GATAD2A: variants seen among roughly 807,000 people sequenced by gnomAD.
GATAD2A encodes the protein transcriptional repressor p66-alpha.
Under a neutral mutation model 68.5 loss-of-function variants are expected in GATAD2A, and 12 were observed. That is an observed-to-expected ratio of 0.18 (90% confidence interval 0.11 to 0.28). The LOEUF (loss-of-function observed/expected upper bound fraction) is 0.28, where lower values mean the gene tolerates loss of function less well. GATAD2A is among the 10% of genes least tolerant of loss of function. GATAD2A has a pLI of 1.00. For synonymous variants in GATAD2A, 410 were observed against 375.3 expected (o/e 1.09, Z -1.07); for missense variants, 755 against 868.5 (o/e 0.87, Z 1.64).
At chr19:19,450,568 C>T (rs1380548424) in intron 1 of GATAD2A, among the ~76,000 whole-genome samples, 1 of 151,890 alleles carries the variant, frequency 6.6e-6, no homozygotes, top group Non-Finnish European at 1.5e-5. Flanking sequence ...TTCTCCTCCT[C>T]TTCAGGACCT....
intron 1 of GATAD2A, among the ~76,000 whole-genome samples, chr19:19,395,728 A>G (rs964851205): frequency 6.6e-6 from 1 of 152,174 alleles, no homozygotes; most frequent in African/African-American, 2.4e-5. Flanking sequence ...TCCTTCAGGA[A>G]GAGTGTGTTC....
intron 1 of GATAD2A, among the ~76,000 whole-genome samples, chr19:19,454,974 C>T (rs1465318512): frequency 1.3e-5 from 2 of 152,164 alleles, no homozygotes; most frequent in Admixed American, 6.5e-5. Context: ...GAGTTTAATT[C>T]GCAGACACGC....
intron 11 of GATAD2A, among the ~76,000 whole-genome samples, chr19:19,504,452 C>G (rs1402780234): frequency 6.6e-6 from 1 of 151,928 alleles, no homozygotes; most frequent in Non-Finnish European, 1.5e-5. Flanking sequence ...GTGTGTCTTG[C>G]GTTGGCTACT....
chr19:19,394,328 T>G (rs1319870976), intron 1 of GATAD2A, among the ~76,000 whole-genome samples: 1 of 152,134 alleles, frequency 6.6e-6, no homozygotes, highest in African/African-American at 2.4e-5. Flanking sequence ...TCAGACAAGC[T>G]GGGGCTGCCT....
intron 2 of GATAD2A, among the ~76,000 whole-genome samples, chr19:19,479,166 C>T (rs936722304): frequency 2.0e-5 from 3 of 152,200 alleles, no homozygotes; most frequent in Admixed American, 2.0e-4. Context: ...CCCTTAGACT[C>T]TGAAACCTCA....
chr19:19,406,448 C>A (rs2050269701), intron 1 of GATAD2A, among the ~76,000 whole-genome samples: 1 of 151,132 alleles, frequency 6.6e-6, no homozygotes. Context: ...CAACGCTGAA[C>A]CCCGCGGCGG....
intron 2 of GATAD2A, among the ~76,000 whole-genome samples, chr19:19,482,560 G>A (rs2148266252): frequency 6.6e-6 from 1 of 152,270 alleles, no homozygotes; most frequent in African/African-American, 2.4e-5. Context: ...CAGGTTGTCT[G>A]CAGGTCCTGG....
At chr19:19,492,244 AGGGGTGGGCACT>A in intron 2 of GATAD2A, 50 bp from the exon 3 acceptor site, 1 of 1,524,720 alleles carries the variant, frequency 6.6e-7, no homozygotes, top group Non-Finnish European at 8.9e-7. Flanking sequence ...ATGTGTCCAC[AGGGGTGGGCACT>A]GGGTCCAGCT....
chr19:19,449,637 ACT>A (rs2056155210), intron 1 of GATAD2A, among the ~76,000 whole-genome samples: 2 of 149,876 alleles, frequency 1.3e-5, no homozygotes, highest in African/African-American at 2.4e-5. Flanking sequence ...CATGGTTGAA[ACT>A]CTGTCTCTAC....
chr19:19,428,974 C>T (rs2053413031), intron 1 of GATAD2A, among the ~76,000 whole-genome samples: 1 of 151,820 alleles, frequency 6.6e-6, no homozygotes, highest in Admixed American at 6.6e-5. Context: ...GTGGCTTCTT[C>T]CTGGCACTGA....
chr19:19,504,705 T>C (rs574207395), intron 11 of GATAD2A, among the ~76,000 whole-genome samples: 1 of 150,790 alleles, frequency 6.6e-6, no homozygotes, highest in African/African-American at 2.4e-5. Flanking sequence ...TGGAATGCAG[T>C]AGCGCGATCA....
intron 1 of GATAD2A, among the ~76,000 whole-genome samples, chr19:19,430,039 G>C (rs1408919074): frequency 6.6e-6 from 1 of 152,108 alleles, no homozygotes; most frequent in Non-Finnish European, 1.5e-5. Context: ...TCATTGGGCA[G>C]TTTCCTCCTG....
intron 2 of GATAD2A, among the ~76,000 whole-genome samples, chr19:19,470,144 T>TTTA (rs1444847112): frequency 1.9e-5 from 2 of 107,654 alleles, no homozygotes; most frequent in African/African-American, 8.3e-5. Flanking sequence ...TGCGACTTTA[T>TTTA]TTTTTTTTTT....
intron 1 of GATAD2A, among the ~76,000 whole-genome samples, chr19:19,428,752 G>C (rs889185452): frequency 6.6e-6 from 1 of 152,138 alleles, no homozygotes; most frequent in Non-Finnish European, 1.5e-5. Flanking sequence ...GAAAGGATAC[G>C]GGGAGTGCAG....
At chr19:19,417,492 C>T (rs554541925) in intron 1 of GATAD2A, among the ~76,000 whole-genome samples, 71 of 152,208 alleles carry the variant, frequency 4.7e-4, no homozygotes, top group African/African-American at 1.7e-3. Flanking sequence ...TTCCTCTGCA[C>T]GCTGCACTAG....
At chr19:19,500,907 T>C (rs958994601) in intron 8 of GATAD2A, among the ~76,000 whole-genome samples, 2 of 152,248 alleles carry the variant, frequency 1.3e-5, no homozygotes, top group African/African-American at 4.8e-5. Context: ...AGTGGTGTCA[T>C]GTCCAGCGAT....
intron 2 of GATAD2A, among the ~76,000 whole-genome samples, chr19:19,478,203 A>C (rs2058804561): frequency 6.6e-6 from 1 of 152,196 alleles, no homozygotes; most frequent in Admixed American, 6.5e-5. Context: ...AGAGATGGGA[A>C]ATCCTTTTCC....
At chr19:19,475,554 A>AT (rs1426847628) in intron 2 of GATAD2A, among the ~76,000 whole-genome samples, 1 of 151,936 alleles carries the variant, frequency 6.6e-6, no homozygotes, top group Non-Finnish European at 1.5e-5. Context: ...TCACTTGCTA[A>AT]TTCTCTGTCT....
At chr19:19,484,518 CTTTTTTTTTTTTTCTTTTT>C (rs1242735588) in intron 2 of GATAD2A, among the ~76,000 whole-genome samples, 1 of 114,464 alleles carries the variant, frequency 8.7e-6, no homozygotes, top group African/African-American at 3.3e-5. Context: ...TTTTCTTTTT[CTTTTTTTTTTTTTCTTTTT>C]TTTTTTTTTT....
Sources: allele counts gnomAD v4.1 joint callset (sites outside exome capture counted in the v4.1 genomes callset), GRCh38; gene constraint gnomAD v4.1.1; transcripts MANE v1.5; gene names NCBI Gene and HGNC (gene_info 2026-07-23, HGNC 2026-07-21).